The following IL36B variants were observed in gnomAD, a reference collection of about 807,000 sequenced individuals.
IL36B encodes interleukin-36 beta.
A neutral mutation model predicts 19.3 loss-of-function variants in IL36B; 23 were observed. That is an observed-to-expected ratio of 1.19 (90% CI 0.86 to 1.69). IL36B has a LOEUF of 1.69. Among genes scored for constraint, IL36B ranks in the 40% most tolerant of loss-of-function variants. The pLI is 0.00. For synonymous variants in IL36B, 59 were observed against 59.7 expected, an observed-to-expected ratio of 0.99 and a Z score of 0.05; for missense variants, 217 against 200.5, an observed-to-expected ratio of 1.08 and a Z score of -0.50.
intron 4 of IL36B, chr2:113,027,690 T>G: frequency 7.2e-7 from 1 of 1,393,476 alleles, no homozygotes; most frequent in Non-Finnish European, 9.3e-7. Flanking sequence ...GAAAGTGATT[T>G]TTAGGTTTCA....
chr2:113,031,569 G>T, intron 2 of IL36B, 128 bp downstream of exon 2: 1 of 776,314 alleles, frequency 1.3e-6, no homozygotes. Context: ...GGCCGTTTTA[G>T]GAACTGAGTG....
At chr2:113,025,281 T>C (rs1281178850) in intron 5 of IL36B, among the ~76,000 whole-genome samples, 1 of 152,218 alleles carries the variant, frequency 6.6e-6, no homozygotes, top group African/African-American at 2.4e-5. Flanking sequence ...GTTTTTCCTC[T>C]CCATATTCTG....
chr2:113,044,280 G>GTGTGTGTGTGTGTGTA (rs1558836806), intron 1 of IL36B, among the ~76,000 whole-genome samples: 1 of 111,692 alleles, frequency 9.0e-6, no homozygotes, highest in Admixed American at 7.5e-5. Flanking sequence ...GTGTGTGTGT[G>GTGTGTGTGTGTGTGTA]TGTGTGTGTG....
Position 113,022,611 on chromosome 2 carries a change from G to T in IL36B, c.*63C>A. 9.5e-7 allele frequency: 1 copy of T among 1,047,996 alleles called. No homozygotes were observed. Among genetic ancestry groups the T allele is most frequent in the Non-Finnish European group, 1.5e-6 (1 of 670,140 alleles). The allele number at this position is 1,047,996 out of a possible 1,614,324, so 64.9% of individuals were successfully genotyped here. ...ATTTCTGCAACTTATTCCATTTGTA[G>T]CATTTCATTGATAGCAAACCCACTC... is the stretch of plus-strand genomic sequence containing the variant. On this transcript the variant is annotated 3_prime_UTR_variant, in exon 6 of 6. Transcript: ENST00000259213.
intron 4 of IL36B, chr2:113,027,724 G>A: frequency 7.0e-7 from 1 of 1,430,368 alleles, no homozygotes; most frequent in Non-Finnish European, 9.1e-7. Flanking sequence ...ACATTCGAGT[G>A]AGGGTCTTGG....
At chr2:113,051,734 G>C (rs1190831763) in intron 1 of IL36B, among the ~76,000 whole-genome samples, 1 of 152,186 alleles carries the variant, frequency 6.6e-6, no homozygotes, top group Non-Finnish European at 1.5e-5. Context: ...TGCAGCTGGA[G>C]GTCCCCTTCT....
At chr2:113,039,548 T>C (rs1181959721) in intron 1 of IL36B, among the ~76,000 whole-genome samples, 2 of 152,044 alleles carry the variant, frequency 1.3e-5, no homozygotes, top group Non-Finnish European at 2.9e-5. Flanking sequence ...GGAGAGTATA[T>C]AACTTCCAAA....
intron 1 of IL36B, among the ~76,000 whole-genome samples, chr2:113,034,592 T>C (rs1305140119): frequency 6.6e-6 from 1 of 152,214 alleles, no homozygotes; most frequent in Non-Finnish European, 1.5e-5. Context: ...GCAGGAATGG[T>C]GCGGACCTCT....
At chr2:113,047,074 C>T (rs908835154) in intron 1 of IL36B, among the ~76,000 whole-genome samples, 6 of 152,174 alleles carry the variant, frequency 3.9e-5, no homozygotes, top group African/African-American at 1.4e-4. Flanking sequence ...TAATCCAGTG[C>T]TACTTTATTT....
At chr2:113,052,377 T>C (rs376197941) in intron 1 of IL36B, among the ~76,000 whole-genome samples, 3 of 152,280 alleles carry the variant, frequency 2.0e-5, no homozygotes, top group African/African-American at 7.2e-5. Flanking sequence ...ATTTTTCATA[T>C]TGGGGAATGG....
intron 1 of IL36B, among the ~76,000 whole-genome samples, chr2:113,032,564 T>C (rs551391161): frequency 6.6e-6 from 1 of 152,172 alleles, no homozygotes; most frequent in East Asian, 1.9e-4. Flanking sequence ...CAGTACTCTG[T>C]ACCTTTGACA....
chr2:113,051,049 C>T (rs1453094489), intron 1 of IL36B, among the ~76,000 whole-genome samples: 1 of 151,804 alleles, frequency 6.6e-6, no homozygotes, highest in Non-Finnish European at 1.5e-5. Context: ...GCCTCCCGAT[C>T]CTTGAATCGG....
At chr2:113,037,649 CA>C (rs558737151) in intron 1 of IL36B, among the ~76,000 whole-genome samples, 1,728 of 135,516 alleles carry the variant, frequency 0.013, 18 homozygotes, top group Middle Eastern at 0.038. Flanking sequence ...AACTCTATCT[CA>C]AAAAAAAAAA....
At chr2:113,044,721 G>T (rs1041527630) in intron 1 of IL36B, among the ~76,000 whole-genome samples, 2 of 152,006 alleles carry the variant, frequency 1.3e-5, no homozygotes, top group Non-Finnish European at 2.9e-5. Flanking sequence ...TGTTGCTATT[G>T]CTGTGGTTAG....
In IL36B at chr2:113,047,645, C is replaced by CA. The variant is rs1385469192; in HGVS notation, c.-58+5171dup. On this transcript the variant is annotated intron_variant, in intron 1 of 5. Transcript: ENST00000259213. ...ATGCCTTGGGAATGATAAGGTTTTC[C>CA]AGGCCAGACAGTGGGAACAGGTATT... is the stretch of plus-strand genomic sequence containing the variant. 2.0e-5 allele frequency among the ~76,000 whole-genome samples: 3 copies of CA among 152,238 alleles called. No individual in the cohort carries two copies. In the South Asian group the frequency reaches 6.2e-4, roughly 32 times the overall value.
intron 4 of IL36B, 38 bp from the exon 5 acceptor site, chr2:113,028,153 G>A (rs752022864): frequency 6.5e-7 from 1 of 1,541,636 alleles, no homozygotes; most frequent in Non-Finnish European, 9.0e-7. Flanking sequence ...GAGGAGGATA[G>A]GAGGAGGAAG....
At position 113,022,694 on chromosome 2, in the gene IL36B, C is replaced by T. The variant is rs142880845; in HGVS notation, c.475G>A (p.Gly159Arg). The change falls in exon 6 of 6, where the codon GGA becomes AGA. Residue 159 changes from glycine to arginine, a missense_variant. Transcript: ENST00000259213. ...TATTTCTACATCCTTCCTGGCATTC[C>T]TATGTTGGTCCGCATGGATGAGAAA... 4.6e-4 allele frequency: 738 copies of T among 1,608,430 alleles called. 3 individuals are homozygous for T. In the East Asian group the frequency reaches 0.015, roughly 32 times the overall value.
At chr2:113,043,040 T>C (rs1027969421) in intron 1 of IL36B, among the ~76,000 whole-genome samples, 1 of 152,170 alleles carries the variant, frequency 6.6e-6, no homozygotes, top group Non-Finnish European at 1.5e-5. Context: ...ATATTGAACA[T>C]CTTTTTGTAG....
chr2:113,032,137 G>C (rs897901702), intron 1 of IL36B, among the ~76,000 whole-genome samples: 3 of 140,268 alleles, frequency 2.1e-5, no homozygotes, highest in Non-Finnish European at 3.2e-5. Context: ...GTGTGTCTGT[G>C]TGTGTGTGTG....
Sources: allele counts gnomAD v4.1 joint callset (sites outside exome capture counted in the v4.1 genomes callset), GRCh38; gene constraint gnomAD v4.1.1; transcripts MANE v1.5; gene names NCBI Gene and HGNC (gene_info 2026-07-23, HGNC 2026-07-21).